RNPEP: variants seen among roughly 807,000 people sequenced by gnomAD.
RNPEP encodes the protein arginyl aminopeptidase, also known as aminopeptidase B.
In RNPEP, 57 loss-of-function variants were observed where a neutral mutation model predicts 70.1. The observed-to-expected ratio is 0.81, with a 90% CI of 0.66 to 1.01. The LOEUF is 1.01. RNPEP is among the 50% of genes least tolerant of loss of function. The pLI, the probability that RNPEP is intolerant of heterozygous loss-of-function variation, is 0.00. For missense variants in RNPEP, 787 were observed against 852.4 expected (o/e 0.92, Z 0.96); for synonymous variants, 335 against 357.4 (o/e 0.94, Z 0.71).
chr1:201,989,892 T>C (rs1253240511), intron 3 of RNPEP, among the ~76,000 whole-genome samples: 2 of 151,890 alleles, frequency 1.3e-5, no homozygotes, highest in African/African-American at 4.8e-5. Context: ...CAGGCTGGAC[T>C]GGAGTGCAAT....
chr1:201,989,589 C>G, intron 3 of RNPEP, 58 bp downstream of exon 3: 4 of 1,593,020 alleles, frequency 2.5e-6, no homozygotes, highest in Non-Finnish European at 3.4e-6. Context: ...GAGGAGGACT[C>G]TGACCAGTGG....
intron 5 of RNPEP, among the ~76,000 whole-genome samples, chr1:201,998,027 T>C (rs1047095789): frequency 6.6e-6 from 1 of 152,180 alleles, no homozygotes; most frequent in African/African-American, 2.4e-5. Context: ...CCTCTCAAAG[T>C]GCCAGGATTA....
chr1:201,997,400 G>C lies in RNPEP; in HGVS notation c.936G>C (p.Leu312=). The change falls in exon 5 of 11, where the codon CTG becomes CTC. Residue 312 remains leucine (L), a synonymous_variant. Coordinates refer to ENST00000295640, the MANE Select transcript of RNPEP (RefSeq NM_020216.4). ...NPCLTFVTPC[L]LAGDRSLADV... ...GTCTGACCTTTGTCACCCCCTGCCT[G>C]CTAGCTGGGGACCGCTCCTTGGCAG... The C allele has an allele frequency of 1.2e-6, 2 of 1,614,178 alleles. No individual in the cohort carries two copies. Among genetic ancestry groups the C allele is most frequent in the South Asian group, 2.2e-5 (2 of 91,084 alleles).
At chr1:202,002,967 G>A (rs566714697) in intron 8 of RNPEP, among the ~76,000 whole-genome samples, 2 of 152,178 alleles carry the variant, frequency 1.3e-5, no homozygotes, top group African/African-American at 2.4e-5. Flanking sequence ...GAATGTGCAC[G>A]TGAATAGAGC....
chr1:201,996,115 C>T (rs753610038), intron 3 of RNPEP, 32 bp from the exon 4 acceptor site: 3 of 1,570,004 alleles, frequency 1.9e-6, no homozygotes, highest in East Asian at 2.2e-5. Flanking sequence ...TCTCTAAACA[C>T]CATTCTGCTT....
In RNPEP at chr1:202,005,840, T is replaced by C; in HGVS notation, c.*124T>C. On this transcript the variant is annotated 3_prime_UTR_variant, in exon 11 of 11. Transcript: ENST00000295640. ...TATATCCCCTCAGGATAATCTATTCTCTAGCTTAGGTATCTGTGACTCTTG... is the reference window on the plus strand; with the variant it reads ...TATATCCCCTCAGGATAATCTATTCCCTAGCTTAGGTATCTGTGACTCTTG... The C allele has an allele frequency of 8.6e-7, 1 of 1,166,420 alleles. No individual in the cohort carries two copies. The highest frequency in any genetic ancestry group is 1.2e-6 in the Non-Finnish European group (1 of 816,818). The allele number at this position is 1,166,420 out of a possible 1,614,324, so 72.3% of individuals were successfully genotyped here. A position where few individuals can be genotyped will look rare whatever the true frequency, so the allele number is the denominator to read the frequency against.
intron 1 of RNPEP, 49 bp downstream of exon 1, chr1:201,983,162 C>A: frequency 1.4e-6 from 2 of 1,426,052 alleles, no homozygotes; most frequent in African/African-American, 3.0e-5. Context: ...GCCCTTCCGG[C>A]CCCCAGCCGC....
chr1:201,997,381 C>T lies in RNPEP; in HGVS notation c.917C>T (p.Thr306Ile). ...PFGGMENPCL[T>I]FVTPCLLAGD... ...GGAGGAATGGAGAACCCTTGTCTGACCTTTGTCACCCCCTGCCTGCTAGCT... is the reference window on the plus strand; with the variant it reads ...GGAGGAATGGAGAACCCTTGTCTGATCTTTGTCACCCCCTGCCTGCTAGCT... Residue 306 changes from threonine to isoleucine, a missense_variant, in exon 5 of 11, where the codon ACC becomes ATC. Thr to Ile is a moderately conservative substitution (Grantham distance 89). Coordinates refer to ENST00000295640, the MANE Select transcript of RNPEP (RefSeq NM_020216.4). 1.2e-6 allele frequency: 2 copies of T among 1,614,152 alleles called. No homozygotes were observed. Among genetic ancestry groups the T allele is most frequent in the Admixed American group, 1.7e-5 (1 of 60,018 alleles).
At chr1:201,996,090 A>G in intron 3 of RNPEP, 57 bp from the exon 4 acceptor site, 1 of 1,379,022 alleles carries the variant, frequency 7.3e-7, no homozygotes, top group South Asian at 1.2e-5. Context: ...TTTCAGGATC[A>G]GGTCACTGCG....
Position 202,004,449 on chromosome 1 carries a change from G to A in RNPEP, c.1747G>A (p.Asp583Asn), listed in dbSNP as rs745347499. 16 of 1,613,990 alleles carry A rather than the reference G, an allele frequency of 9.9e-6. No homozygotes were observed. The highest frequency in any genetic ancestry group is 8.3e-5 in the Admixed American group (5 of 60,006). Residue 583 changes from aspartate to asparagine, a missense_variant, in exon 10 of 11, where the codon GAC becomes AAC. Transcript: ENST00000295640. ...ATGGGGCCAAATCGTCCTTAAGAAC[G>A]ACCACCAGGAAGATTTCTGGAAAGT... ...LRWGQIVLKN[D>N]HQEDFWKVKE...
In RNPEP at chr1:201,997,306, C is replaced by T. The variant is rs144549573; in HGVS notation, c.855-13C>T. 1,938 of 1,610,042 alleles carry T rather than the reference C, an allele frequency of 1.2e-3. 21 individuals carry two copies. In the African/African-American group the frequency reaches 0.021, roughly 17 times the overall value. ...AGCCAGGGCCTCTTGGTGACCTCCC[C>T]GCTTCTCGGCAGGTATGACTTGCTC... On this transcript the variant is annotated splice_polypyrimidine_tract_variant and intron_variant, in intron 4 of 10. Coordinates refer to ENST00000295640, the MANE Select transcript of RNPEP (RefSeq NM_020216.4).
Position 201,989,449 on chromosome 1 carries a change from T to G in RNPEP, c.655T>G (p.Phe219Val). The G allele has an allele frequency of 6.2e-7, 1 of 1,614,214 alleles. No homozygotes were observed. Among genetic ancestry groups the G allele is most frequent in the South Asian group, 1.1e-5 (1 of 91,086 alleles). ...TWEKRGPNKF[F>V]FQMCQPIPSY... ...GGAGAAGAGAGGTCCAAATAAGTTC[T>G]TCTTCCAGATGTGTCAGCCCATCCC... is the stretch of plus-strand genomic sequence containing the variant. Residue 219 changes from phenylalanine (F) to valine (V), a missense_variant, in exon 3 of 11, where the codon TTC becomes GTC. Phe to Val is a conservative substitution (Grantham distance 50). Transcript: ENST00000295640.
chr1:201,988,098 C>T (rs144109514), intron 1 of RNPEP, among the ~76,000 whole-genome samples: 1 of 150,862 alleles, frequency 6.6e-6, no homozygotes, highest in Non-Finnish European at 1.5e-5. Flanking sequence ...TGAGATCACA[C>T]CATTGCACTC....
intron 4 of RNPEP, 120 bp downstream of exon 4, chr1:201,996,383 A>G (rs1683551757): frequency 1.3e-6 from 1 of 745,184 alleles, no homozygotes; most frequent in South Asian, 1.6e-5. Context: ...TGATCCCAGA[A>G]GTGAAGGAGA....
At chr1:201,992,032 C>G (rs1026288825) in intron 3 of RNPEP, among the ~76,000 whole-genome samples, 1 of 151,178 alleles carries the variant, frequency 6.6e-6, no homozygotes, top group Non-Finnish European at 1.5e-5. Flanking sequence ...CCCTCCCTCC[C>G]TCCCTCCCTC....
intron 1 of RNPEP, chr1:201,983,622 A>C: frequency 8.1e-7 from 1 of 1,232,644 alleles, no homozygotes; most frequent in Non-Finnish European, 1.0e-6. Flanking sequence ...CCACGGTTAA[A>C]GCTCTTATCT....
At chr1:201,983,720 C>A in intron 1 of RNPEP, 2 of 1,141,142 alleles carry the variant, frequency 1.8e-6, no homozygotes, top group South Asian at 1.9e-5. Flanking sequence ...GTGCTATAAG[C>A]ATTATAATAA....
intron 1 of RNPEP, 67 bp from the exon 2 acceptor site, chr1:201,988,837 C>G: frequency 6.6e-7 from 1 of 1,524,346 alleles, no homozygotes; most frequent in East Asian, 2.3e-5. Context: ...CCAGCCAGCT[C>G]ACTTCTCTGG....
At chr1:201,994,668 C>CTT (rs774484493) in intron 3 of RNPEP, among the ~76,000 whole-genome samples, 7,116 of 137,818 alleles carry the variant, frequency 0.052, 223 homozygotes, top group South Asian at 0.074. Flanking sequence ...CCATCAGTCT[C>CTT]TTTTTTTTTT....
Sources: allele counts gnomAD v4.1 joint callset (sites outside exome capture counted in the v4.1 genomes callset), GRCh38; gene constraint gnomAD v4.1.1; transcripts MANE v1.5; gene names NCBI Gene and HGNC (gene_info 2026-07-23, HGNC 2026-07-21).